NXPE4: variants seen among roughly 807,000 people sequenced by gnomAD.
The protein encoded by NXPE4 is neurexophilin and PC-esterase domain family member 4.
NXPE4 carries 42 observed loss-of-function variants against 33.3 expected under a neutral mutation model. The observed-to-expected ratio is 1.26, with a 90% CI of 0.98 to 1.63. The LOEUF is 1.63. Among genes scored for constraint, NXPE4 ranks in the 40% most tolerant of loss-of-function variants. The pLI, the probability that NXPE4 is intolerant of heterozygous loss-of-function variation, is 0.00. For synonymous variants in NXPE4, 253 were observed against 234.9 expected (o/e 1.08, Z -0.71); for missense variants, 709 against 647.6 (o/e 1.09, Z -1.03).
chr11:114,622,099 C>T, the NXPE4 span, among the ~76,000 whole-genome samples: 2 of 151,776 alleles, frequency 1.3e-5, no homozygotes, highest in East Asian at 1.9e-4. Context: ...AGTACTGCCT[C>T]ATCAGTAACC....
At chr11:114,624,357 C>T in the NXPE4 span, among the ~76,000 whole-genome samples, 1 of 151,950 alleles carries the variant, frequency 6.6e-6, no homozygotes, top group Non-Finnish European at 1.5e-5. Flanking sequence ...ATAATTATTG[C>T]CCCAGGGTAA....
chr11:114,621,091 T>C, the NXPE4 span, among the ~76,000 whole-genome samples: 1 of 152,202 alleles, frequency 6.6e-6, no homozygotes, highest in Non-Finnish European at 1.5e-5. Flanking sequence ...TAATAAGTAT[T>C]GGCACATGGG....
At chr11:114,585,922 C>T (rs1949284835) in intron 2 of NXPE4, among the ~76,000 whole-genome samples, 1 of 152,124 alleles carries the variant, frequency 6.6e-6, no homozygotes, top group Non-Finnish European at 1.5e-5. Context: ...TTTTCTTTGT[C>T]ACCATGTGTA....
At chr11:114,638,692 G>A in the NXPE4 span, among the ~76,000 whole-genome samples, 27 of 152,184 alleles carry the variant, frequency 1.8e-4, no homozygotes, top group African/African-American at 3.9e-4. Flanking sequence ...AGACAGGACC[G>A]TCAGCTGCAG....
At chr11:114,665,290 T>A in the NXPE4 span, among the ~76,000 whole-genome samples, 4 of 152,170 alleles carry the variant, frequency 2.6e-5, no homozygotes, top group Non-Finnish European at 5.9e-5. Context: ...TGCTAATTTC[T>A]CCCCCACAAT....
At chr11:114,586,491 G>C (rs148097810) in intron 2 of NXPE4, among the ~76,000 whole-genome samples, 1 of 152,122 alleles carries the variant, frequency 6.6e-6, no homozygotes, top group African/African-American at 2.4e-5. Flanking sequence ...AAAAGTTAGC[G>C]TGGCTACCAG....
upstream of NXPE4, among the ~76,000 whole-genome samples, chr11:114,598,461 G>T (rs1489457224): frequency 1.3e-5 from 2 of 152,230 alleles, no homozygotes; most frequent in East Asian, 3.8e-4. Flanking sequence ...CACTGCCCTA[G>T]TAGAGGTTAT....
intron 5 of NXPE4, among the ~76,000 whole-genome samples, chr11:114,575,767 A>G (rs1160435101): frequency 6.6e-6 from 1 of 152,104 alleles, no homozygotes; most frequent in African/African-American, 2.4e-5. Context: ...TGAAAATGAC[A>G]GTACTGTCAA....
Position 114,582,275 on chromosome 11 carries a change from T to C in NXPE4, c.830+13A>G. 2 of 1,545,464 alleles carry C rather than the reference T, an allele frequency of 1.3e-6. No individual in the cohort carries two copies. The highest frequency in any genetic ancestry group is 4.5e-5 in the East Asian group (2 of 44,342). On this transcript the variant is annotated intron_variant, in intron 3 of 5. Coordinates refer to ENST00000375478, the MANE Select transcript of NXPE4 (RefSeq NM_001077639.2). ...TATTTGCACAGGTAGTCTCAAGAAG[T>C]AATTATTTTTACCTTTCAAAGAGGC...
intron 5 of NXPE4, among the ~76,000 whole-genome samples, chr11:114,579,420 A>T (rs895788096): frequency 6.6e-6 from 1 of 152,204 alleles, no homozygotes; most frequent in Non-Finnish European, 1.5e-5. Flanking sequence ...GATTGGTGAG[A>T]AACACCAGGC....
At chr11:114,655,381 A>T in the NXPE4 span, among the ~76,000 whole-genome samples, 1 of 152,130 alleles carries the variant, frequency 6.6e-6, no homozygotes, top group East Asian at 1.9e-4. Context: ...TTGGTGTTTT[A>T]GTCATGAAGT....
the NXPE4 span, among the ~76,000 whole-genome samples, chr11:114,672,839 T>C: frequency 6.6e-6 from 1 of 151,494 alleles, no homozygotes; most frequent in Non-Finnish European, 1.5e-5. Flanking sequence ...AAAAAAGAAA[T>C]AGACAATTCA....
chr11:114,623,275 G>T, the NXPE4 span, among the ~76,000 whole-genome samples: 2 of 152,092 alleles, frequency 1.3e-5, no homozygotes, highest in African/African-American at 2.4e-5. Flanking sequence ...TGCCTCGTGG[G>T]TGACAACTGT....
chr11:114,621,725 C>G, the NXPE4 span, among the ~76,000 whole-genome samples: 3 of 150,808 alleles, frequency 2.0e-5, no homozygotes, highest in Admixed American at 6.6e-5. Flanking sequence ...AATGATTGCC[C>G]TGTGGGTAAC....
At chr11:114,606,527 C>T in the NXPE4 span, among the ~76,000 whole-genome samples, 1 of 151,668 alleles carries the variant, frequency 6.6e-6, no homozygotes, top group Non-Finnish European at 1.5e-5. Flanking sequence ...CCACTGTTAC[C>T]CTTTGGATAA....
At chr11:114,635,598 G>C in the NXPE4 span, among the ~76,000 whole-genome samples, 1 of 151,792 alleles carries the variant, frequency 6.6e-6, no homozygotes, top group Non-Finnish European at 1.5e-5. Flanking sequence ...ATTGGCTGTG[G>C]GTTTGTCATA....
At chr11:114,625,535 A>G in the NXPE4 span, among the ~76,000 whole-genome samples, 1 of 149,758 alleles carries the variant, frequency 6.7e-6, no homozygotes, top group Admixed American at 6.6e-5. Flanking sequence ...GTATTGCCTC[A>G]TGAGTAACCA....
At chr11:114,666,080 T>G in the NXPE4 span, among the ~76,000 whole-genome samples, 1 of 152,110 alleles carries the variant, frequency 6.6e-6, no homozygotes, top group African/African-American at 2.4e-5. Context: ...TTGGCCCTAG[T>G]GCACATTTTC....
chr11:114,615,581 G>C, the NXPE4 span, among the ~76,000 whole-genome samples: 1 of 147,906 alleles, frequency 6.8e-6, no homozygotes, highest in African/African-American at 2.6e-5. Context: ...ACCTTTACCT[G>C]GTGAATAATA....
Sources: gnomAD v4.1 joint callset for allele counts (sites outside exome capture counted in the v4.1 genomes callset) on GRCh38, gnomAD v4.1.1 for gene constraint, MANE v1.5 for transcripts, NCBI Gene and HGNC (gene_info 2026-07-23, HGNC 2026-07-21) for gene names.